Variants in RHOA observed in about 807,000 individuals in gnomAD.
RHOA encodes ras homolog family member A.
Under a neutral mutation model 17.5 loss-of-function variants are expected in RHOA, and 3 were observed. The observed-to-expected ratio is 0.17, with a 90% confidence interval of 0.08 to 0.44. The LOEUF is 0.44. Ranked by LOEUF, RHOA falls within the 20% of genes least tolerant of loss-of-function variation. The pLI, the probability that RHOA is intolerant of heterozygous loss-of-function variation, is 0.99. For synonymous variants in RHOA, 98 were observed against 88.4 expected (o/e 1.11, Z -0.61); for missense variants, 56 against 242.3 (o/e 0.23, Z 5.10).
intron 3 of RHOA, among the ~76,000 whole-genome samples, chr3:49,365,891 T>TA (rs373018468): frequency 6.6e-6 from 1 of 151,914 alleles, no homozygotes; most frequent in South Asian, 2.1e-4. Context: ...ATGCCCGGCC[T>TA]AAAAAATATA....
chr3:49,387,448 GAA>G (rs371706211), intron 1 of RHOA, among the ~76,000 whole-genome samples: 2 of 128,696 alleles, frequency 1.6e-5, no homozygotes, highest in Non-Finnish European at 1.6e-5. Flanking sequence ...CATCTCGGGG[GAA>G]AAAAAAAAAA....
chr3:49,399,980 G>C (rs575188275), intron 1 of RHOA, among the ~76,000 whole-genome samples: 1 of 152,086 alleles, frequency 6.6e-6, no homozygotes, highest in South Asian at 2.1e-4. Context: ...CAGCACGTTG[G>C]GAGGCCGAGG....
intron 1 of RHOA, among the ~76,000 whole-genome samples, chr3:49,387,314 C>T (rs1010784235): frequency 3.4e-5 from 5 of 148,550 alleles, no homozygotes; most frequent in Non-Finnish European, 7.4e-5. Flanking sequence ...CATGGTGGCA[C>T]GCACCTGTAG....
intron 3 of RHOA, among the ~76,000 whole-genome samples, chr3:49,367,834 C>CT (rs1240595429): frequency 6.6e-6 from 1 of 151,864 alleles, no homozygotes; most frequent in Non-Finnish European, 1.5e-5. Flanking sequence ...GTTTACTCAT[C>CT]TTTGTATCTG....
intron 1 of RHOA, among the ~76,000 whole-genome samples, chr3:49,391,906 A>G (rs1432503714): frequency 7.1e-6 from 1 of 140,934 alleles, no homozygotes; most frequent in Non-Finnish European, 1.5e-5. Flanking sequence ...TCAGCTCACT[A>G]CAATCCTGCC....
chr3:49,391,211 G>A (rs1188253052), intron 1 of RHOA, among the ~76,000 whole-genome samples: 17 of 122,160 alleles, frequency 1.4e-4, no homozygotes, highest in Admixed American at 1.0e-4. Context: ...GAGCAACGCC[G>A]TCTCAAAAAA....
At chr3:49,411,060 T>C (rs576123903) in intron 1 of RHOA, among the ~76,000 whole-genome samples, 3 of 152,352 alleles carry the variant, frequency 2.0e-5, no homozygotes, top group South Asian at 4.1e-4. Context: ...TTTAGATCAT[T>C]CCTAATCAAT....
chr3:49,366,464 G>T (rs893083951), intron 3 of RHOA: 1 of 152,190 alleles, frequency 6.6e-6, no homozygotes, highest in African/African-American at 2.4e-5. Flanking sequence ...TCACCCAGGC[G>T]TGGGGGCGTA....
At chr3:49,392,943 A>C (rs538793422) in intron 1 of RHOA, among the ~76,000 whole-genome samples, 6 of 152,168 alleles carry the variant, frequency 3.9e-5, no homozygotes, top group Non-Finnish European at 7.4e-5. Context: ...TTGGGAGGTC[A>C]AGGGGGGTAG....
chr3:49,406,167 C>G (rs1300349497), intron 1 of RHOA, among the ~76,000 whole-genome samples: 1 of 152,094 alleles, frequency 6.6e-6, no homozygotes, highest in Non-Finnish European at 1.5e-5. Flanking sequence ...AAAGCATTAA[C>G]AAAGTGTTAC....
intron 2 of RHOA, among the ~76,000 whole-genome samples, chr3:49,371,772 A>G (rs972770178): frequency 1.3e-5 from 2 of 152,194 alleles, no homozygotes; most frequent in African/African-American, 4.8e-5. Context: ...CAAGGTTTGC[A>G]GCACAAGAAA....
intron 1 of RHOA, among the ~76,000 whole-genome samples, chr3:49,377,586 A>G (rs1263016916): frequency 7.0e-6 from 1 of 143,088 alleles, no homozygotes; most frequent in African/African-American, 2.6e-5. Context: ...CCAGTGAGAC[A>G]CTGTCTCTAA....
At chr3:49,395,837 T>A (rs998364612) in intron 1 of RHOA, among the ~76,000 whole-genome samples, 29 of 152,020 alleles carry the variant, frequency 1.9e-4, no homozygotes, top group African/African-American at 6.8e-4. Context: ...AGAACCCTAA[T>A]GGAAGGGGAG....
At chr3:49,371,794 A>G (rs959098436) in intron 2 of RHOA, among the ~76,000 whole-genome samples, 1 of 152,186 alleles carries the variant, frequency 6.6e-6, no homozygotes, top group African/African-American at 2.4e-5. Flanking sequence ...ATACTCACAG[A>G]CCATGCCTCA....
At chr3:49,403,595 T>G (rs2048763595) in intron 1 of RHOA, among the ~76,000 whole-genome samples, 1 of 150,904 alleles carries the variant, frequency 6.6e-6, no homozygotes, top group African/African-American at 2.4e-5. Flanking sequence ...GGCGTGGTGG[T>G]GCACACCTGC....
intron 1 of RHOA, among the ~76,000 whole-genome samples, chr3:49,408,566 C>T (rs573581428): frequency 1.3e-5 from 2 of 152,118 alleles, no homozygotes; most frequent in South Asian, 2.1e-4. Context: ...TACTACAGCT[C>T]CACAGATTAA....
chr3:49,365,514 C>T (rs147986733), intron 3 of RHOA, among the ~76,000 whole-genome samples: 2 of 152,050 alleles, frequency 1.3e-5, no homozygotes, highest in African/African-American at 4.8e-5. Context: ...ATAGTCTACC[C>T]CCTTCCTGGA....
intron 1 of RHOA, among the ~76,000 whole-genome samples, chr3:49,378,884 C>T (rs762849109): frequency 6.6e-6 from 1 of 152,018 alleles, no homozygotes; most frequent in Non-Finnish European, 1.5e-5. Context: ...GCATAAGCCA[C>T]CTCCCCAGGC....
intron 1 of RHOA, among the ~76,000 whole-genome samples, chr3:49,380,514 T>A (rs1385460904): frequency 2.6e-5 from 4 of 151,954 alleles, no homozygotes; most frequent in African/African-American, 9.7e-5. Flanking sequence ...GAGACCAGCC[T>A]GGCCAACATA....
Sources: gnomAD v4.1 joint callset for allele counts (sites outside exome capture counted in the v4.1 genomes callset) on GRCh38, gnomAD v4.1.1 for gene constraint, MANE v1.5 for transcripts, NCBI Gene and HGNC (gene_info 2026-07-23, HGNC 2026-07-21) for gene names.